The following ASTN2 variants were observed in gnomAD, a reference collection of about 807,000 sequenced individuals.
ASTN2 encodes astrotactin-2.
In ASTN2, 54 loss-of-function variants were observed where a neutral mutation model predicts 139.8. That is an observed-to-expected ratio of 0.39 (90% CI 0.31 to 0.48). The LOEUF (loss-of-function observed/expected upper bound fraction) is 0.48. Among genes scored for constraint, ASTN2 ranks in the 20% least tolerant of loss-of-function variants. The probability of loss-of-function intolerance (pLI) is 0.95; values close to 1 mark genes in which losing one functional copy is unlikely to be tolerated. For synonymous variants in ASTN2, 756 were observed against 719.5 expected, an observed-to-expected ratio of 1.05 and a Z score of -0.81; for missense variants, 1,565 against 1,725.1, an observed-to-expected ratio of 0.91 and a Z score of 1.64.
intron 16 of ASTN2, among the ~76,000 whole-genome samples, chr9:116,674,292 A>G (rs561136750): frequency 6.6e-6 from 1 of 152,326 alleles, no homozygotes; most frequent in East Asian, 1.9e-4. Context: ...ACAGATGAAT[A>G]ACGTACTCAG....
intron 2 of ASTN2, among the ~76,000 whole-genome samples, chr9:117,240,432 T>C (rs1043602479): frequency 6.6e-5 from 10 of 152,136 alleles, no homozygotes; most frequent in African/African-American, 2.4e-4. Context: ...CAACAGCACA[T>C]TGCAAGCTGA....
intron 11 of ASTN2, among the ~76,000 whole-genome samples, chr9:116,840,522 C>T (rs1194008261): frequency 8.2e-6 from 1 of 121,762 alleles, no homozygotes; most frequent in Non-Finnish European, 1.7e-5. Context: ...CCCCCCACCT[C>T]CCTCCTGGAC....
At chr9:117,410,289 T>G (rs1831125059) in intron 1 of ASTN2, among the ~76,000 whole-genome samples, 1 of 152,188 alleles carries the variant, frequency 6.6e-6, no homozygotes, top group Non-Finnish European at 1.5e-5. Context: ...CCCCGGGGGC[T>G]GCCTGGAGGT....
In ASTN2 at chr9:117,006,502, A is replaced by G. The variant is rs575506208; in HGVS notation, c.1591+1590T>C. On this transcript the variant is annotated intron_variant, in intron 7 of 22. Transcript: ENST00000313400. ...ATCCAGAATCTGATCACTGTTCACC[A>G]TCTTCTTCTCTTACCTCCATGGTCC... Among the ~76,000 whole-genome samples, 17 of 152,154 alleles carry G rather than the reference A, an allele frequency of 1.1e-4. 1 individual carries two copies. Among genetic ancestry groups the G allele is most frequent in the African/African-American group, 3.9e-4 (16 of 41,530 alleles).
intron 16 of ASTN2, among the ~76,000 whole-genome samples, chr9:116,712,444 G>A (rs1457562625): frequency 6.6e-6 from 1 of 152,142 alleles, no homozygotes; most frequent in Non-Finnish European, 1.5e-5. Context: ...TGCATCCATA[G>A]CATCTAGCAC....
At position 116,691,780 on chromosome 9, in the gene ASTN2, C is replaced by T. The variant is rs182744179; in HGVS notation, c.2806+33991G>A. 2.0e-3 allele frequency among the ~76,000 whole-genome samples: 304 copies of T among 152,286 alleles called. 1 individual carries two copies. The highest frequency in any genetic ancestry group is 3.0e-3 in the Non-Finnish European group (205 of 68,024). ...AATTCGTTAAAGTCAGTCCTGCTAA[C>T]GAGTGGCCTTTGGTGGCACAGTGAT... On this transcript the variant is annotated intron_variant, in intron 16 of 22. Transcript: ENST00000313400.
chr9:117,409,095 C>A (rs1204995527), intron 1 of ASTN2, among the ~76,000 whole-genome samples: 3 of 152,088 alleles, frequency 2.0e-5, no homozygotes, highest in Non-Finnish European at 4.4e-5. Context: ...ACTTGGTGAC[C>A]AAATGAAGAA....
intron 3 of ASTN2, among the ~76,000 whole-genome samples, chr9:117,195,407 A>C (rs559647753): frequency 2.2e-4 from 33 of 152,210 alleles, no homozygotes; most frequent in Non-Finnish European, 4.4e-5. Context: ...GGGCAACTTT[A>C]AGTTGGGACT....
At chr9:116,581,953 G>A (rs1300553073) in intron 19 of ASTN2, 1 of 152,074 alleles carries the variant, frequency 6.6e-6, no homozygotes, top group Non-Finnish European at 1.5e-5. Context: ...TGGAAGGGGA[G>A]AAAAAGAAAC....
intron 3 of ASTN2, among the ~76,000 whole-genome samples, chr9:117,172,490 G>A (rs1191729124): frequency 1.3e-5 from 2 of 152,066 alleles, no homozygotes; most frequent in Non-Finnish European, 2.9e-5. Context: ...TTTATTGAGT[G>A]TTACCTTTTA....
intron 20 of ASTN2, among the ~76,000 whole-genome samples, chr9:116,467,298 C>T (rs1848678142): frequency 6.6e-6 from 1 of 151,972 alleles, no homozygotes; most frequent in African/African-American, 2.4e-5. Context: ...GACAGAGTCT[C>T]GCTCTGTCAC....
At chr9:117,136,398 G>GCATGA (rs1829951671) in intron 4 of ASTN2, among the ~76,000 whole-genome samples, 1 of 152,156 alleles carries the variant, frequency 6.6e-6, no homozygotes, top group Admixed American at 6.5e-5. Context: ...AAATAAAATG[G>GCATGA]CATGATCTTT....
chr9:117,113,678 CA>C (rs57094447), intron 4 of ASTN2, among the ~76,000 whole-genome samples: 74,681 of 149,294 alleles, frequency 0.5, 18,890 homozygotes, highest in African/African-American at 0.64. Flanking sequence ...CAAAACAAAA[CA>C]AAAAAAAAAG....
intron 1 of ASTN2, among the ~76,000 whole-genome samples, chr9:117,359,301 T>C (rs942579088): frequency 3.3e-5 from 5 of 152,128 alleles, no homozygotes; most frequent in South Asian, 2.1e-4. Flanking sequence ...TAAAAAAAGA[T>C]TGTAGACATG....
At chr9:116,697,518 G>A (rs1481436166) in intron 16 of ASTN2, 8 of 564,478 alleles carry the variant, frequency 1.4e-5, no homozygotes, top group African/African-American at 3.8e-5. Context: ...TCACCCTCAC[G>A]TGACATATAA....
chr9:116,589,402 CT>C (rs1208423861), intron 19 of ASTN2, among the ~76,000 whole-genome samples: 1 of 152,166 alleles, frequency 6.6e-6, no homozygotes, highest in African/African-American at 2.4e-5. Flanking sequence ...TATAGTGTCC[CT>C]CTCAGAACTA....
intron 10 of ASTN2, among the ~76,000 whole-genome samples, chr9:116,893,578 A>G (rs1268025801): frequency 6.6e-6 from 1 of 152,062 alleles, no homozygotes; most frequent in African/African-American, 2.4e-5. Context: ...TCTACTTGGT[A>G]TTGTTTGAAC....
At chr9:117,043,495 C>G (rs1337239773) in intron 5 of ASTN2, among the ~76,000 whole-genome samples, 1 of 152,134 alleles carries the variant, frequency 6.6e-6, no homozygotes, top group African/African-American at 2.4e-5. Flanking sequence ...AATTTTTGGT[C>G]TGGGGAAAGA....
intron 2 of ASTN2, among the ~76,000 whole-genome samples, chr9:117,232,347 C>T (rs541397419): frequency 6.6e-5 from 10 of 152,286 alleles, no homozygotes; most frequent in South Asian, 2.1e-4. Context: ...CTTTACTCCT[C>T]CCCACTAAGG....
Sources: gnomAD v4.1 joint callset for allele counts (sites outside exome capture counted in the v4.1 genomes callset) on GRCh38, gnomAD v4.1.1 for gene constraint, MANE v1.5 for transcripts, NCBI Gene and HGNC (gene_info 2026-07-23, HGNC 2026-07-21) for gene names.